Variants in UNC13C observed in about 807,000 individuals in gnomAD.
UNC13C encodes the protein unc-13 homolog C.
UNC13C carries 174 observed loss-of-function variants against 245.4 expected under a neutral mutation model. The observed-to-expected ratio is 0.71, with a 90% CI of 0.63 to 0.80. The LOEUF (loss-of-function observed/expected upper bound fraction) is 0.80. Ranked by LOEUF, UNC13C falls within the 30% of genes least tolerant of loss-of-function variation. The pLI, the probability that UNC13C is intolerant of heterozygous loss-of-function variation, is 0.00. For synonymous variants in UNC13C, 992 were observed against 895.1 expected, an observed-to-expected ratio of 1.11 and a Z score of -1.93; for missense variants, 2,829 against 2,602.9, an observed-to-expected ratio of 1.09 and a Z score of -1.89.
intron 2 of UNC13C, among the ~76,000 whole-genome samples, chr15:54,096,299 T>C (rs1325133693): frequency 6.6e-6 from 1 of 150,796 alleles, no homozygotes; most frequent in Non-Finnish European, 1.5e-5. Flanking sequence ...ATTCCACGTT[T>C]CATCACATGG....
At chr15:54,365,842 A>G (rs1366484052) in intron 17 of UNC13C, among the ~76,000 whole-genome samples, 4 of 152,074 alleles carry the variant, frequency 2.6e-5, no homozygotes, top group Non-Finnish European at 5.9e-5. Flanking sequence ...TAGTTATACT[A>G]TGTCTTCCTG....
chr15:54,182,176 T>C (rs959035141), intron 4 of UNC13C, among the ~76,000 whole-genome samples: 12 of 152,090 alleles, frequency 7.9e-5, no homozygotes, highest in Admixed American at 5.9e-4. Context: ...GTGTTTATCA[T>C]AGATAACTCT....
chr15:53,870,485 A>G, the UNC13C span, among the ~76,000 whole-genome samples: 1 of 144,352 alleles, frequency 6.9e-6, no homozygotes, highest in Non-Finnish European at 1.5e-5. Context: ...TGAGTGCCTC[A>G]TCCCAGTGAT....
intron 28 of UNC13C, 101 bp from the exon 29 acceptor site, chr15:54,555,331 T>C (rs1897041911): frequency 3.6e-6 from 3 of 834,002 alleles, no homozygotes; most frequent in South Asian, 3.2e-5. Flanking sequence ...ATATTTCAAA[T>C]AGGAAGTTTG....
chr15:53,908,821 G>T, the UNC13C span, among the ~76,000 whole-genome samples: 2 of 140,450 alleles, frequency 1.4e-5, no homozygotes, highest in African/African-American at 2.5e-5. Context: ...TGCTGTTTTA[G>T]AATACTTAAT....
intron 13 of UNC13C, among the ~76,000 whole-genome samples, chr15:54,314,608 G>T (rs2037963292): frequency 6.6e-6 from 1 of 151,604 alleles, no homozygotes; most frequent in Non-Finnish European, 1.5e-5. Flanking sequence ...GAAAAGGAAA[G>T]AAATGTTTAA....
intron 2 of UNC13C, among the ~76,000 whole-genome samples, chr15:54,122,553 G>A (rs1037979872): frequency 2.0e-5 from 3 of 151,736 alleles, no homozygotes; most frequent in African/African-American, 4.8e-5. Context: ...GCTACCGTAC[G>A]AATCCTTGTA....
chr15:54,553,090 A>G (rs1394654947), intron 28 of UNC13C, among the ~76,000 whole-genome samples: 1 of 51,998 alleles, frequency 1.9e-5, no homozygotes, highest in Non-Finnish European at 3.6e-5. Context: ...TCTATATTAC[A>G]ATATATAATA....
Position 54,013,596 on chromosome 15 carries a change from T to A in UNC13C, c.693T>A (p.Ser231Arg), listed in dbSNP as rs187781822. Reference sequence around the variant, plus strand: ...CAAATGCCCTGGAGCCAGGGTTCAGTTCCTCTGGCTGCATTAGCCAAACAC... The same window carrying A: ...CAAATGCCCTGGAGCCAGGGTTCAGATCCTCTGGCTGCATTAGCCAAACAC... ...PKTNALEPGF[S>R]SSGCISQTHD... The change falls in exon 2 of 33, where the codon AGT (serine) becomes AGA (arginine). Residue 231 changes from serine to arginine, a missense_variant. By Grantham distance (110) the Ser-to-Arg change is moderately radical. Transcript: ENST00000260323. The A allele has an allele frequency of 1.4e-4, 232 of 1,613,512 alleles. No homozygotes were observed. The highest frequency in any genetic ancestry group is 1.9e-4 in the Non-Finnish European group (220 of 1,179,738).
In UNC13C at chr15:54,404,739, A is replaced by T. The variant is rs375947079; in HGVS notation, c.4848-10243A>T. ...TGTATGACAATTTCTACAAAGTTAC[A>T]AAATGGTTGTGGAAAGGTAAACCTC... is the stretch of plus-strand genomic sequence containing the variant. On this transcript the variant is annotated intron_variant, in intron 18 of 32. Transcript: ENST00000260323. Among the ~76,000 whole-genome samples the T allele has an allele frequency of 3.3e-5, 5 of 152,284 alleles. No homozygotes were observed. In the East Asian group the frequency reaches 7.7e-4, roughly 23 times the overall value.
intron 17 of UNC13C, among the ~76,000 whole-genome samples, chr15:54,380,590 C>T (rs75794914): frequency 0.12 from 18,452 of 152,042 alleles, 1,461 homozygotes; most frequent in Admixed American, 0.17. Context: ...CAAAAGTGTG[C>T]GAGAGTTCTC....
At chr15:54,368,336 A>G (rs1338908227) in intron 17 of UNC13C, among the ~76,000 whole-genome samples, 1 of 151,926 alleles carries the variant, frequency 6.6e-6, no homozygotes, top group African/African-American at 2.4e-5. Flanking sequence ...TTCCTTTCCC[A>G]TAGGAGCCTT....
chr15:53,851,599 T>G, the UNC13C span, among the ~76,000 whole-genome samples: 7 of 152,168 alleles, frequency 4.6e-5, no homozygotes, highest in Admixed American at 3.3e-4. Context: ...CTAACCTGAT[T>G]GTGGGTCATA....
chr15:53,875,425 C>T, the UNC13C span, among the ~76,000 whole-genome samples: 1 of 152,060 alleles, frequency 6.6e-6, no homozygotes, highest in African/African-American at 2.4e-5. Flanking sequence ...CAGGTTGCTG[C>T]ACATTTTAGC....
chr15:54,085,953 T>C (rs28690908), intron 2 of UNC13C, among the ~76,000 whole-genome samples: 7,013 of 152,304 alleles, frequency 0.046, 314 homozygotes, highest in South Asian at 0.13. Flanking sequence ...TTAGTTGACA[T>C]GTAATATACA....
chr15:54,343,471 C>A (rs1659994808), intron 17 of UNC13C, among the ~76,000 whole-genome samples: 1 of 152,164 alleles, frequency 6.6e-6, no homozygotes, highest in South Asian at 2.1e-4. Flanking sequence ...CAGACTTTAC[C>A]AGGTTCAGTT....
At chr15:54,170,060 A>C (rs2033336333) in intron 4 of UNC13C, among the ~76,000 whole-genome samples, 1 of 151,096 alleles carries the variant, frequency 6.6e-6, no homozygotes, top group Non-Finnish European at 1.5e-5. Context: ...TAAGAGAAAG[A>C]GAAATTTCAT....
chr15:54,361,105 T>G (rs1348312269), intron 17 of UNC13C, among the ~76,000 whole-genome samples: 1 of 152,166 alleles, frequency 6.6e-6, no homozygotes, highest in African/African-American at 2.4e-5. Context: ...TTGGTGAAAC[T>G]TAATTCACTT....
intron 13 of UNC13C, among the ~76,000 whole-genome samples, chr15:54,302,862 A>G (rs538603809): frequency 1.8e-4 from 27 of 152,150 alleles, no homozygotes; most frequent in Admixed American, 7.9e-4. Flanking sequence ...GATAGATTCA[A>G]TGCTATCAGT....
Sources: allele counts gnomAD v4.1 joint callset (sites outside exome capture counted in the v4.1 genomes callset), GRCh38; gene constraint gnomAD v4.1.1; transcripts MANE v1.5; gene names NCBI Gene and HGNC (gene_info 2026-07-23, HGNC 2026-07-21).